Variants in WDR59 observed in about 807,000 individuals in gnomAD.
The protein encoded by WDR59 is WD repeat domain 59, also known as GATOR2 complex protein WDR59.
A neutral mutation model predicts 131.2 loss-of-function variants in WDR59; 100 were observed. The ratio of observed to expected loss-of-function variants is 0.76; its 90% confidence interval spans 0.65 to 0.90. The LOEUF (loss-of-function observed/expected upper bound fraction) is 0.90. WDR59 is among the 40% of genes least tolerant of loss of function. The probability of loss-of-function intolerance (pLI) is 0.00; values close to 1 mark genes in which losing one functional copy is unlikely to be tolerated. For synonymous variants in WDR59, 601 were observed against 466.2 expected, an observed-to-expected ratio of 1.29 and a Z score of -3.72; for missense variants, 1,203 against 1,262.2, an observed-to-expected ratio of 0.95 and a Z score of 0.71.
rs760021679 is a variant in WDR59, at chr16:74,916,163, C to T, written c.1063G>A (p.Asp355Asn). 1.9e-6 allele frequency: 3 copies of T among 1,614,068 alleles called. No homozygotes were observed. Among genetic ancestry groups the T allele is most frequent in the African/African-American group, 2.7e-5 (2 of 74,924 alleles). ...CCATGGCTTGCAGTGTGCTGGTGAT[C>T]TGTATCTTCAGTGTGCAGGGTCTTC... ...PEKTLHTEDTDHQHTASHGEE... is the reference protein window; with the variant it reads ...PEKTLHTEDTNHQHTASHGEE... The change falls in exon 12 of 26, where the codon GAT (aspartate) becomes AAT (asparagine). Residue 355 changes from aspartate (D) to asparagine (N), a missense_variant. Coordinates refer to ENST00000262144, the MANE Select transcript of WDR59 (RefSeq NM_030581.4).
intron 18 of WDR59, 23 bp downstream of exon 18, chr16:74,903,924 A>T (rs1314853113): frequency 1.9e-6 from 3 of 1,596,660 alleles, no homozygotes; most frequent in Non-Finnish European, 2.6e-6. Context: ...GTAAGAATCA[A>T]AGGCTACGGC....
rs9940014 is a variant in WDR59 at position 74,887,763 on chromosome 16, A to G, written c.2347-8T>C. ...AGAAGAGGTAAAGCTAGGCTACAGA[A>G]GGGAAGAGAAGAACCAACAGGACTA... is the stretch of plus-strand genomic sequence containing the variant. On this transcript the variant is annotated splice_region_variant and splice_polypyrimidine_tract_variant and intron_variant, in intron 22 of 25. Transcript: ENST00000262144. 1 of 1,613,208 alleles carries G rather than the reference A, an allele frequency of 6.2e-7. No individual in the cohort carries two copies. The highest frequency in any genetic ancestry group is 1.1e-5 in the South Asian group (1 of 91,062).
At chr16:74,906,756 G>A (rs555408817) in intron 17 of WDR59, among the ~76,000 whole-genome samples, 11 of 152,224 alleles carry the variant, frequency 7.2e-5, no homozygotes, top group African/African-American at 1.9e-4. Context: ...AGGTCATGCC[G>A]CACTATTCCA....
chr16:74,928,109 T>C (rs1370279460), intron 8 of WDR59, among the ~76,000 whole-genome samples: 1 of 151,726 alleles, frequency 6.6e-6, no homozygotes, highest in Non-Finnish European at 1.5e-5. Context: ...GGTTTCACCA[T>C]GTTGGCCAGG....
chr16:74,981,660 A>ATATATATTTTT (rs1567451007), intron 1 of WDR59, among the ~76,000 whole-genome samples: 1 of 80,864 alleles, frequency 1.2e-5, no homozygotes, highest in Admixed American at 1.6e-4. Context: ...ATATATATAT[A>ATATATATTTTT]TTTTTTTTTT....
chr16:74,885,515 G>T, intron 25 of WDR59, 138 bp downstream of exon 25: 3 of 921,048 alleles, frequency 3.3e-6, no homozygotes, highest in Non-Finnish European at 4.6e-6. Flanking sequence ...TCAGATGCTT[G>T]GAATAGACTC....
intron 3 of WDR59, 146 bp downstream of exon 3, chr16:74,956,329 G>C: frequency 9.4e-7 from 1 of 1,064,164 alleles, no homozygotes; most frequent in Non-Finnish European, 1.3e-6. Context: ...TCCGTAACTT[G>C]CCTCTGTCTT....
intron 6 of WDR59, among the ~76,000 whole-genome samples, chr16:74,945,363 G>T (rs2032543149): frequency 6.6e-6 from 1 of 151,738 alleles, no homozygotes; most frequent in Non-Finnish European, 1.5e-5. Context: ...TGCAGTCCCA[G>T]CTACTCGGGA....
intron 1 of WDR59, among the ~76,000 whole-genome samples, chr16:74,978,112 T>C (rs1168458812): frequency 3.3e-5 from 5 of 151,890 alleles, no homozygotes; most frequent in Non-Finnish European, 7.4e-5. Context: ...TCCCAGCACT[T>C]TGGGAGGCCA....
chr16:74,952,047 G>A (rs2033033262), intron 3 of WDR59, among the ~76,000 whole-genome samples: 1 of 151,564 alleles, frequency 6.6e-6, no homozygotes, highest in South Asian at 2.1e-4. Context: ...GAACTCCTAG[G>A]CTCAAACAAT....
chr16:74,980,476 C>T (rs944237370), intron 1 of WDR59, among the ~76,000 whole-genome samples: 2 of 150,718 alleles, frequency 1.3e-5, no homozygotes, highest in African/African-American at 2.4e-5. Flanking sequence ...GCCTCAGCCT[C>T]CCGAGTAGGT....
At chr16:74,981,175 C>T (rs372432678) in intron 1 of WDR59, among the ~76,000 whole-genome samples, 1 of 151,502 alleles carries the variant, frequency 6.6e-6, no homozygotes, top group Non-Finnish European at 1.5e-5. Context: ...ACCATCCTGG[C>T]TAACACGGTG....
chr16:74,878,887 T>C (rs1964343477), intron 25 of WDR59, among the ~76,000 whole-genome samples: 1 of 152,270 alleles, frequency 6.6e-6, no homozygotes, highest in Non-Finnish European at 1.5e-5. Flanking sequence ...TTATTGCCAA[T>C]TGCCGGTTTC....
At chr16:74,980,990 G>A (rs2145260969) in intron 1 of WDR59, among the ~76,000 whole-genome samples, 1 of 151,004 alleles carries the variant, frequency 6.6e-6, no homozygotes, top group East Asian at 2.0e-4. Flanking sequence ...TATATTTTTA[G>A]GCCAAGGTGG....
intron 8 of WDR59, among the ~76,000 whole-genome samples, chr16:74,924,989 A>T (rs1181683067): frequency 1.3e-5 from 2 of 152,092 alleles, no homozygotes; most frequent in African/African-American, 4.8e-5. Flanking sequence ...CTCCTACATA[A>T]CTGCCCTAGG....
chr16:74,916,409 T>C (rs1466468121), intron 11 of WDR59, 150 bp from the exon 12 acceptor site: 8 of 956,980 alleles, frequency 8.4e-6, no homozygotes, highest in South Asian at 4.8e-5. Flanking sequence ...ATTTTACCCA[T>C]TGCCAACTCT....
rs960264378 is a variant in WDR59, at chr16:74,874,197, A to G, written c.*12T>C. ...CCTCTGGGATTTCAGACAATACCCAACTTCTGTAGGTTCAGAAAGTGCTTT... is the reference window on the plus strand; with the variant it reads ...CCTCTGGGATTTCAGACAATACCCAGCTTCTGTAGGTTCAGAAAGTGCTTT... On this transcript the variant is annotated 3_prime_UTR_variant, in exon 26 of 26. Coordinates refer to ENST00000262144, the MANE Select transcript of WDR59 (RefSeq NM_030581.4). The G allele has an allele frequency of 6.8e-6, 11 of 1,608,698 alleles. No homozygotes were observed. In the Admixed American group the frequency reaches 1.5e-4, roughly 22 times the overall value.
chr16:74,969,619 G>A (rs1372438400), intron 1 of WDR59, among the ~76,000 whole-genome samples: 1 of 151,656 alleles, frequency 6.6e-6, no homozygotes, highest in Admixed American at 6.6e-5. Context: ...TCGTTGCCCA[G>A]GCTGGAGTGC....
chr16:74,948,736 T>G lies in WDR59; in HGVS notation c.408-180A>C, dbSNP rs531320754. Among the ~76,000 whole-genome samples the G allele has an allele frequency of 5.3e-5, 8 of 152,224 alleles. No homozygotes were observed. In the East Asian group the frequency reaches 1.4e-3, roughly 26 times the overall value. On this transcript the variant is annotated intron_variant, in intron 5 of 25. Transcript: ENST00000262144. ...AGACCTGCTGGCCAGGTACGGTGAC[T>G]CATGCCTGTAATTCCAGCACTTCAG...
Sources: gnomAD v4.1 joint callset for allele counts (sites outside exome capture counted in the v4.1 genomes callset) on GRCh38, gnomAD v4.1.1 for gene constraint, MANE v1.5 for transcripts, NCBI Gene and HGNC (gene_info 2026-07-23, HGNC 2026-07-21) for gene names.